The following IFNLR1 variants were observed in gnomAD, a reference collection of about 807,000 sequenced individuals.
IFNLR1 encodes interferon lambda receptor 1, also known as CRF2-12.
A neutral mutation model predicts 52.5 loss-of-function variants in IFNLR1; 28 were observed. The ratio of observed to expected loss-of-function variants is 0.53; its 90% CI spans 0.40 to 0.73. The LOEUF (loss-of-function observed/expected upper bound fraction) is 0.73, where lower values mean the gene tolerates loss of function less well. Among genes scored for constraint, IFNLR1 ranks in the 30% least tolerant of loss-of-function variants. The probability of loss-of-function intolerance (pLI) is 0.00; values close to 1 mark genes in which losing one functional copy is unlikely to be tolerated. For missense variants in IFNLR1, 623 were observed against 659.1 expected (o/e 0.95, Z 0.60); for synonymous variants, 276 against 274.9 (o/e 1.00, Z -0.04).
Position 24,187,265 on chromosome 1 carries a change from C to G in IFNLR1, c.-17G>C. Reference sequence around the variant, plus strand: ...CCCCGCCATGGCCTTCCTGCCGCGGCGTCCCCGCCCGGGCCCAGGTCCCCG... The same window carrying G: ...CCCCGCCATGGCCTTCCTGCCGCGGGGTCCCCGCCCGGGCCCAGGTCCCCG... On this transcript the variant is annotated 5_prime_UTR_variant, in exon 1 of 7. Coordinates refer to ENST00000327535, the MANE Select transcript of IFNLR1 (RefSeq NM_170743.4). 7.9e-7 allele frequency: 1 copy of G among 1,263,154 alleles called. No individual in the cohort carries two copies. Among genetic ancestry groups the G allele is most frequent in the Non-Finnish European group, 1.0e-6 (1 of 1,003,230 alleles). The allele number at this position is 1,263,154 out of a possible 1,614,324, so 78.2% of individuals were successfully genotyped here.
intron 4 of IFNLR1, among the ~76,000 whole-genome samples, chr1:24,159,839 G>A (rs1361067118): frequency 1.3e-5 from 2 of 151,452 alleles, no homozygotes; most frequent in Admixed American, 1.3e-4. Flanking sequence ...AAACTCCTGG[G>A]CTCAAGCGAT....
chr1:24,162,867 CTTT>C (rs1293671686), intron 3 of IFNLR1, among the ~76,000 whole-genome samples: 1 of 76,636 alleles, frequency 1.3e-5, no homozygotes, highest in African/African-American at 5.6e-5. Context: ...TTCTTTCTTT[CTTT>C]CTTTCTTTCC....
intron 2 of IFNLR1, among the ~76,000 whole-genome samples, chr1:24,172,290 G>T (rs1644589188): frequency 6.6e-6 from 1 of 151,966 alleles, no homozygotes; most frequent in Non-Finnish European, 1.5e-5. Context: ...AAATTAATAA[G>T]CTAAGCAATA....
chr1:24,185,043 A>G (rs912542664), intron 1 of IFNLR1, among the ~76,000 whole-genome samples: 1 of 151,952 alleles, frequency 6.6e-6, no homozygotes, highest in Admixed American at 6.6e-5. Context: ...AAATAATAAT[A>G]ATAATAATAG....
At chr1:24,174,624 T>G (rs746179980) in intron 2 of IFNLR1, among the ~76,000 whole-genome samples, 1 of 152,096 alleles carries the variant, frequency 6.6e-6, no homozygotes, top group African/African-American at 2.4e-5. Flanking sequence ...AAATTAGAAG[T>G]TAAAAGTTCA....
chr1:24,171,502 T>G (rs1644579352), intron 2 of IFNLR1, among the ~76,000 whole-genome samples: 1 of 152,154 alleles, frequency 6.6e-6, no homozygotes, highest in Non-Finnish European at 1.5e-5. Flanking sequence ...AAATATATAT[T>G]TTTTGAGACA....
At chr1:24,176,632 G>T (rs1185507095) in intron 2 of IFNLR1, among the ~76,000 whole-genome samples, 1 of 152,158 alleles carries the variant, frequency 6.6e-6, no homozygotes, top group Non-Finnish European at 1.5e-5. Context: ...CCAAGAGAAA[G>T]ATTACAAATA....
intron 2 of IFNLR1, among the ~76,000 whole-genome samples, chr1:24,176,056 T>C (rs1017799952): frequency 2.0e-5 from 3 of 151,920 alleles, no homozygotes; most frequent in East Asian, 1.9e-4. Flanking sequence ...AGCAAATGAA[T>C]ACCTGCCCAG....
rs1557640081 is a variant in IFNLR1 at position 24,157,434 on chromosome 1, C to A, written c.1259G>T (p.Gly420Val). ...AGGTGGTGGGAGAGATTCTTGGTGCCCATCCCCACCCGGCCCTTGGCCTGG... is the reference window on the plus strand; with the variant it reads ...AGGTGGTGGGAGAGATTCTTGGTGCACATCCCCACCCGGCCCTTGGCCTGG... The part of the protein sequence containing the change: ...KGPGQGPGGD[G>V]HQESLPPPEF... The change falls in exon 7 of 7, where the codon GGG (glycine) becomes GTG (valine). Residue 420 changes from glycine to valine, a missense_variant. By Grantham distance (109) the Gly-to-Val change is moderately radical. Transcript: ENST00000327535. The surrounding 1 kb of genome is among the most constrained non-coding windows in gnomAD (Gnocchi z 5.1). 1 of 1,614,014 alleles carries A rather than the reference C, an allele frequency of 6.2e-7. No homozygotes were observed. Among genetic ancestry groups the A allele is most frequent in the African/African-American group, 1.3e-5 (1 of 74,918 alleles).
chr1:24,186,150 T>A (rs1569712146), intron 1 of IFNLR1, among the ~76,000 whole-genome samples: 1 of 151,852 alleles, frequency 6.6e-6, no homozygotes, highest in South Asian at 2.1e-4. Context: ...CGGTCCCTCA[T>A]CAGCCACAGA....
intron 1 of IFNLR1, among the ~76,000 whole-genome samples, chr1:24,183,528 C>T (rs543830083): frequency 5.9e-5 from 9 of 152,256 alleles, no homozygotes; most frequent in Non-Finnish European, 1.2e-4. Flanking sequence ...TCAAGGCTGC[C>T]GTGATTGTGC....
chr1:24,180,660 C>T, intron 2 of IFNLR1, 71 bp downstream of exon 2: 1 of 1,426,152 alleles, frequency 7.0e-7, no homozygotes, highest in South Asian at 1.3e-5. Flanking sequence ...GCAGCTGTCC[C>T]AGAGAAGCCC....
Position 24,180,803 on chromosome 1 carries a change from A to G in IFNLR1, c.110T>C (p.Phe37Ser). The change falls in exon 2 of 7, where the codon TTC becomes TCC. Residue 37 changes from phenylalanine to serine, a missense_variant. Coordinates refer to ENST00000327535, the MANE Select transcript of IFNLR1 (RefSeq NM_170743.4). ...PQNVTLLSQN[F>S]SVYLTWLPGL... ...TGGGAGCCATGTCAGGTACACGCTG[A>G]AGTTCTGGGAGAGCAGCGTCACATT... 1 of 1,613,702 alleles carries G rather than the reference A, an allele frequency of 6.2e-7. No individual in the cohort carries two copies. Among genetic ancestry groups the G allele is most frequent in the Non-Finnish European group, 8.5e-7 (1 of 1,179,796 alleles).
intron 2 of IFNLR1, among the ~76,000 whole-genome samples, chr1:24,172,540 A>G (rs1049948491): frequency 6.6e-6 from 1 of 152,226 alleles, no homozygotes; most frequent in Admixed American, 6.5e-5. Context: ...AAATTAACAC[A>G]ATAGATGATG....
chr1:24,162,711 C>CT (rs754280124), intron 3 of IFNLR1, among the ~76,000 whole-genome samples: 40 of 39,358 alleles, frequency 1.0e-3, no homozygotes, highest in African/African-American at 4.4e-3. Context: ...CTTTTCTTTT[C>CT]TTTCTTTCTT....
intron 2 of IFNLR1, among the ~76,000 whole-genome samples, chr1:24,178,141 C>T (rs772492687): frequency 2.0e-5 from 3 of 151,832 alleles, no homozygotes; most frequent in Non-Finnish European, 4.4e-5. Context: ...AAAAATTAGC[C>T]GGGTATGGTG....
intron 3 of IFNLR1, among the ~76,000 whole-genome samples, chr1:24,162,744 CTT>C (rs1557643782): frequency 5.1e-5 from 2 of 39,196 alleles, no homozygotes; most frequent in Non-Finnish European, 1.0e-4. Context: ...TTCTTTCTTT[CTT>C]TCTTTCTTTC....
intron 3 of IFNLR1, among the ~76,000 whole-genome samples, chr1:24,162,917 T>TTCCTTCCTTCCTTTTCTTTCTTTTC (rs1557644534): frequency 1.4e-4 from 12 of 88,100 alleles, no homozygotes; most frequent in African/African-American, 5.7e-4. Context: ...CCTTCCTTCC[T>TTCCTTCCTTCCTTTTCTTTCTTTTC]TTTCTTTCTT....
At chr1:24,170,178 C>T (rs751647978) in intron 2 of IFNLR1, among the ~76,000 whole-genome samples, 3 of 152,184 alleles carry the variant, frequency 2.0e-5, no homozygotes, top group Non-Finnish European at 4.4e-5. Flanking sequence ...CTTACCAGAA[C>T]GGAGTCAGGT....
Sources: gnomAD v4.1 joint callset for allele counts (sites outside exome capture counted in the v4.1 genomes callset) on GRCh38, gnomAD v4.1.1 for gene constraint, Gnocchi (gnomAD v3.1) non-coding constraint, MANE v1.5 for transcripts, NCBI Gene and HGNC (gene_info 2026-07-23, HGNC 2026-07-21) for gene names.